LOXL2: variants seen among roughly 807,000 people sequenced by gnomAD.
The protein encoded by LOXL2 is lysyl oxidase like 2.
In LOXL2, 70 loss-of-function variants were observed where a neutral mutation model predicts 93.0. The observed-to-expected ratio is 0.75, with a 90% CI of 0.62 to 0.92. The LOEUF is 0.92. LOXL2 is among the 40% of genes least tolerant of loss of function. The probability of loss-of-function intolerance (pLI) is 0.00; values close to 1 mark genes in which losing one functional copy is unlikely to be tolerated. For synonymous variants in LOXL2, 438 were observed against 413.2 expected (o/e 1.06, Z -0.73); for missense variants, 973 against 1,054.9 (o/e 0.92, Z 1.08).
intron 1 of LOXL2, among the ~76,000 whole-genome samples, chr8:23,375,848 T>C (rs1804578810): frequency 6.6e-6 from 1 of 152,214 alleles, no homozygotes; most frequent in Non-Finnish European, 1.5e-5. Context: ...GCTGAGACGA[T>C]GGGGTTTTCT....
rs1292298468 is a variant in LOXL2, at chr8:23,328,585, T to C, written c.967-20A>G. On this transcript the variant is annotated intron_variant, in intron 5 of 13. Transcript: ENST00000389131. ...GGGTTGCTGAAGAGACACACGGTCC[T>C]GCTGAGTACAGACGCTGATGCACGT... The C allele has an allele frequency of 1.2e-6, 2 of 1,612,466 alleles. No homozygotes were observed. Among genetic ancestry groups the C allele is most frequent in the South Asian group, 1.1e-5 (1 of 91,076 alleles).
chr8:23,300,570 G>GTCTA (rs1803113034), intron 12 of LOXL2, among the ~76,000 whole-genome samples: 1 of 152,212 alleles, frequency 6.6e-6, no homozygotes, highest in Non-Finnish European at 1.5e-5. Flanking sequence ...GAAGCTCCAT[G>GTCTA]TCTATCTTAA....
At chr8:23,329,421 C>T (rs1024682374) in intron 5 of LOXL2, among the ~76,000 whole-genome samples, 2 of 152,328 alleles carry the variant, frequency 1.3e-5, no homozygotes, top group African/African-American at 4.8e-5. Context: ...CTGAGTTAGA[C>T]AGGAGTAAGA....
At chr8:23,341,321 C>G in intron 3 of LOXL2, 118 bp from the exon 4 acceptor site, 1 of 805,400 alleles carries the variant, frequency 1.2e-6, no homozygotes, top group East Asian at 2.6e-5. Context: ...CCTGCCTGTG[C>G]CCTCAGGCCC....
In LOXL2 at chr8:23,346,147, A is replaced by T. The variant is rs1183517052; in HGVS notation, c.532-4944T>A. Among the ~76,000 whole-genome samples the T allele has an allele frequency of 5.1e-3, 163 of 31,914 alleles. 2 individuals are homozygous for T. The highest frequency in any genetic ancestry group is 0.021 in the South Asian group (24 of 1,128). 20.9% of individuals were successfully genotyped at this position (31,914 alleles called of 152,430 possible). ...TAAAATAAAATAAAATAAAATAAAT[A>T]AAATAAAATAAAAAATAAAATAAAA... On this transcript the variant is annotated intron_variant, in intron 3 of 13. Transcript: ENST00000389131.
At chr8:23,402,419 C>T (rs546767787) in intron 1 of LOXL2, among the ~76,000 whole-genome samples, 2 of 152,348 alleles carry the variant, frequency 1.3e-5, no homozygotes, top group East Asian at 1.9e-4. Context: ...CTTGTCATGG[C>T]TCTGGTGGCC....
rs147245932 is a variant in LOXL2, at chr8:23,341,305, C to T, written c.532-102G>A. The T allele has an allele frequency of 1.2e-4, 113 of 954,984 alleles. No homozygotes were observed. The African/African-American group carries it at 1.4e-3, about 12-fold the overall frequency. 59.2% of individuals were successfully genotyped at this position (954,984 alleles called of 1,614,324 possible). A position where few individuals can be genotyped will look rare whatever the true frequency, so the allele number is the denominator to read the frequency against. ...TTTAGCGACTATGGGCCAGGCCTGC[C>T]GCGGGCCTGCCTGTGCCCTCAGGCC... On this transcript the variant is annotated intron_variant, in intron 3 of 13. Transcript: ENST00000389131.
intron 1 of LOXL2, among the ~76,000 whole-genome samples, chr8:23,395,611 CT>C (rs1800080090): frequency 1.3e-5 from 2 of 152,308 alleles, no homozygotes; most frequent in South Asian, 4.1e-4. Context: ...AAAGAATCTA[CT>C]TCGATGACAC....
At chr8:23,356,528 G>A (rs550877377) in intron 3 of LOXL2, among the ~76,000 whole-genome samples, 8 of 152,228 alleles carry the variant, frequency 5.3e-5, no homozygotes, top group Non-Finnish European at 8.8e-5. Context: ...AGCCCTGGAT[G>A]CAAGAATCTT....
intron 10 of LOXL2, among the ~76,000 whole-genome samples, chr8:23,309,437 G>A (rs1803286528): frequency 6.6e-6 from 1 of 152,234 alleles, no homozygotes; most frequent in East Asian, 1.9e-4. Flanking sequence ...GATGTTAGAA[G>A]CATTGGAGGC....
At chr8:23,379,312 G>C (rs1804639123) in intron 1 of LOXL2, among the ~76,000 whole-genome samples, 1 of 152,196 alleles carries the variant, frequency 6.6e-6, no homozygotes, top group Admixed American at 6.5e-5. Context: ...GTCTCAGAGG[G>C]GTACCCAGCC....
chr8:23,360,458 C>A (rs528463326), intron 2 of LOXL2, among the ~76,000 whole-genome samples, 193 bp from the exon 3 acceptor site: 1 of 152,096 alleles, frequency 6.6e-6, no homozygotes. Context: ...ACAGTAAGCA[C>A]CTGATGTGAT....
At chr8:23,344,687 T>A (rs949291782) in intron 3 of LOXL2, among the ~76,000 whole-genome samples, 1 of 152,110 alleles carries the variant, frequency 6.6e-6, no homozygotes, top group Non-Finnish European at 1.5e-5. Flanking sequence ...CCTGTATGTG[T>A]CTATGTCACA....
rs1394554590 is a variant in LOXL2 at position 23,332,053 on chromosome 8, G to GAAAAAA, written c.966+1347_966+1348insTTTTTT. The GAAAAAA allele has an allele frequency of 0.011, 1,029 of 95,478 alleles. 69 individuals carry two copies. In the East Asian group the frequency reaches 0.2, roughly 18 times the overall value. 5.9% of individuals were successfully genotyped at this position (95,478 alleles called of 1,614,324 possible). A position where few individuals can be genotyped will look rare whatever the true frequency, so the allele number is the denominator to read the frequency against. On this transcript the variant is annotated intron_variant, in intron 5 of 13. Transcript: ENST00000389131. ...TCTGTCTCAAAAAAAAAAAAAAGAA[G>GAAAAAA]AAGAAGAAGAAAAGAAAAGAAAAGA...
intron 3 of LOXL2, 159 bp from the exon 4 acceptor site, chr8:23,341,362 A>G: frequency 1.5e-6 from 1 of 647,302 alleles, no homozygotes; most frequent in South Asian, 1.8e-5. Flanking sequence ...CCCGAGGGGC[A>G]CACGGCCCAA....
At chr8:23,326,006 A>C (rs145063074) in intron 6 of LOXL2, among the ~76,000 whole-genome samples, 2,253 of 152,348 alleles carry the variant, frequency 0.015, 21 homozygotes, top group African/African-American at 0.023. Context: ...CTGGGCAGGG[A>C]GGAGGACTCA....
At chr8:23,399,718 A>G (rs2117243616) in intron 1 of LOXL2, among the ~76,000 whole-genome samples, 1 of 152,300 alleles carries the variant, frequency 6.6e-6, no homozygotes, top group South Asian at 2.1e-4. Context: ...TGTTATAAGC[A>G]ACAGAAAATG....
At chr8:23,399,594 C>T (rs564713911) in intron 1 of LOXL2, among the ~76,000 whole-genome samples, 1 of 152,338 alleles carries the variant, frequency 6.6e-6, no homozygotes, top group Admixed American at 6.5e-5. Context: ...GCCAAGTCCC[C>T]ACCAGCAAGA....
At position 23,360,777 on chromosome 8, in the gene LOXL2, T is replaced by C. The variant is rs976287822; in HGVS notation, c.356-512A>G. Among the ~76,000 whole-genome samples, 6 of 152,222 alleles carry C rather than the reference T, an allele frequency of 3.9e-5. 1 individual carries two copies. The highest frequency in any genetic ancestry group is 3.3e-4 in the Admixed American group (5 of 15,284). On this transcript the variant is annotated intron_variant, in intron 2 of 13. Transcript: ENST00000389131. ...AATGATGACGATGATGATGATGTTT[T>C]AGTGACACTGATTATGGCATAAGCC...
Sources: gnomAD v4.1 joint callset for allele counts (sites outside exome capture counted in the v4.1 genomes callset) on GRCh38, gnomAD v4.1.1 for gene constraint, MANE v1.5 for transcripts, NCBI Gene and HGNC (gene_info 2026-07-23, HGNC 2026-07-21) for gene names.